The following SNX24 variants were observed in gnomAD, a reference collection of about 807,000 sequenced individuals.
The protein encoded by SNX24 is sorting nexin-24.
SNX24 carries 22 observed loss-of-function variants against 28.7 expected under a neutral mutation model. The observed-to-expected ratio is 0.77, with a 90% CI of 0.55 to 1.10. The LOEUF (loss-of-function observed/expected upper bound fraction) is 1.10. SNX24 is among the 50% of genes least tolerant of loss of function. The probability of loss-of-function intolerance (pLI) is 0.00; values close to 1 mark genes in which losing one functional copy is unlikely to be tolerated. For synonymous variants in SNX24, 69 were observed against 71.5 expected (o/e 0.96, Z 0.18); for missense variants, 221 against 201.1 (o/e 1.10, Z -0.60).
intron 3 of SNX24, among the ~76,000 whole-genome samples, chr5:122,997,255 C>G (rs1762081050): frequency 6.6e-6 from 1 of 152,194 alleles, no homozygotes; most frequent in Admixed American, 6.5e-5. Flanking sequence ...TTAACTAACT[C>G]TCAATGCTGC....
chr5:122,992,341 C>T (rs1390716184), intron 3 of SNX24, among the ~76,000 whole-genome samples: 2 of 152,172 alleles, frequency 1.3e-5, no homozygotes, highest in African/African-American at 2.4e-5. Context: ...CACCCACCCA[C>T]ATAAGATCAC....
intron 1 of SNX24, among the ~76,000 whole-genome samples, chr5:122,867,028 C>G (rs1472517247): frequency 6.6e-6 from 1 of 152,124 alleles, no homozygotes; most frequent in Non-Finnish European, 1.5e-5. Flanking sequence ...ATTCCTGGAC[C>G]TATCAATCCT....
At chr5:122,997,745 G>A (rs1762100548) in intron 3 of SNX24, among the ~76,000 whole-genome samples, 1 of 152,130 alleles carries the variant, frequency 6.6e-6, no homozygotes, top group African/African-American at 2.4e-5. Flanking sequence ...ACTTGTTATT[G>A]ATTTAATTTA....
At chr5:122,961,658 A>G (rs1010699096) in intron 3 of SNX24, among the ~76,000 whole-genome samples, 33 of 152,208 alleles carry the variant, frequency 2.2e-4, no homozygotes, top group Admixed American at 2.0e-3. Flanking sequence ...TGTGCCACAT[A>G]TCTTTAAATA....
chr5:122,892,733 C>G (rs563447907), intron 1 of SNX24, among the ~76,000 whole-genome samples: 1 of 151,460 alleles, frequency 6.6e-6, no homozygotes, highest in East Asian at 1.9e-4. Flanking sequence ...CCACCGTGCC[C>G]AGCCCATTTC....
chr5:122,989,981 A>T (rs889306025), intron 3 of SNX24, among the ~76,000 whole-genome samples: 3 of 152,140 alleles, frequency 2.0e-5, no homozygotes, highest in African/African-American at 7.2e-5. Context: ...GTAGGCTACT[A>T]TTCCTACCTG....
intron 1 of SNX24, among the ~76,000 whole-genome samples, chr5:122,904,913 C>T (rs201536119): frequency 1.3e-5 from 2 of 152,086 alleles, no homozygotes; most frequent in East Asian, 1.9e-4. Context: ...TTGGAGCGGC[C>T]GTCTCGTATT....
At chr5:123,018,689 A>AT (rs1158151377) in intron 5 of SNX24, among the ~76,000 whole-genome samples, 16 of 149,932 alleles carry the variant, frequency 1.1e-4, no homozygotes, top group South Asian at 2.1e-4. Flanking sequence ...TAGGGTGGGA[A>AT]TTTTTTTTTT....
intron 1 of SNX24, among the ~76,000 whole-genome samples, chr5:122,861,024 A>C (rs1040346261): frequency 6.6e-6 from 1 of 152,044 alleles, no homozygotes; most frequent in Admixed American, 6.6e-5. Flanking sequence ...TATGTTCCCA[A>C]TCTAATAAAT....
intron 3 of SNX24, among the ~76,000 whole-genome samples, chr5:122,951,003 C>T (rs1037996264): frequency 2.0e-5 from 3 of 152,060 alleles, no homozygotes; most frequent in African/African-American, 7.2e-5. Flanking sequence ...CTTGGTGGCT[C>T]ACGCCTGTAA....
In SNX24 at chr5:122,951,266, C is replaced by CAAA. The variant is rs1445925286; in HGVS notation, c.249+5121_249+5123dup. ...TGGGCGACAGAGTGAGACTCTGTCT[C>CAAA]AAAAAAAAAAAAAAAAGAAAAAGAA... is the stretch of plus-strand genomic sequence containing the variant. On this transcript the variant is annotated intron_variant, in intron 3 of 6. Transcript: ENST00000261369. 5.9e-4 allele frequency among the ~76,000 whole-genome samples: 28 copies of CAAA among 47,776 alleles called. 1 individual carries two copies. The highest frequency in any genetic ancestry group is 3.9e-3 in the South Asian group (5 of 1,268). 31.3% of individuals were successfully genotyped at this position (47,776 alleles called of 152,430 possible).
chr5:123,010,979 A>G (rs535318294), downstream of SNX24, among the ~76,000 whole-genome samples: 92 of 151,996 alleles, frequency 6.1e-4, no homozygotes, highest in Middle Eastern at 6.8e-3. Flanking sequence ...ATTGATAGAC[A>G]TTTTACTTTT....
intron 1 of SNX24, among the ~76,000 whole-genome samples, chr5:122,928,232 AC>A (rs1457651432): frequency 6.6e-6 from 1 of 152,070 alleles, no homozygotes; most frequent in Non-Finnish European, 1.5e-5. Context: ...ATCTGCCTGG[AC>A]CAACCTCCTC....
intron 1 of SNX24, among the ~76,000 whole-genome samples, chr5:122,880,866 C>CT (rs1454438455): frequency 2.0e-5 from 3 of 152,200 alleles, no homozygotes; most frequent in Non-Finnish European, 4.4e-5. Flanking sequence ...TCAGAGAAAT[C>CT]TCCCCTGGCC....
At chr5:122,972,292 C>T (rs2150148609) in intron 3 of SNX24, among the ~76,000 whole-genome samples, 1 of 152,254 alleles carries the variant, frequency 6.6e-6, no homozygotes, top group South Asian at 2.1e-4. Context: ...AGAAAGCAAA[C>T]ATTTTGCTAG....
At chr5:122,913,025 TG>T (rs1343141434) in intron 1 of SNX24, among the ~76,000 whole-genome samples, 1 of 152,128 alleles carries the variant, frequency 6.6e-6, no homozygotes, top group Admixed American at 6.5e-5. Flanking sequence ...AGCACAGGGT[TG>T]GGGGTAAGGT....
chr5:122,860,322 T>TAA (rs34746965), intron 1 of SNX24, among the ~76,000 whole-genome samples: 2 of 151,344 alleles, frequency 1.3e-5, no homozygotes, highest in Non-Finnish European at 2.9e-5. Flanking sequence ...TTGGGCAAGA[T>TAA]AAAAAAAAAT....
At position 122,926,735 on chromosome 5, in the gene SNX24, G is replaced by A. The variant is rs892626826; in HGVS notation, c.61-9999G>A. ...TTTCCAAAACATTTAGGTGAATGCA[G>A]ATTGCAGATACAGAAGCTTAAGCTA... On this transcript the variant is annotated intron_variant, in intron 1 of 6. Transcript: ENST00000261369. 4.6e-5 allele frequency among the ~76,000 whole-genome samples: 7 copies of A among 152,210 alleles called. No homozygotes were observed. The East Asian group carries it at 1.2e-3, about 25-fold the overall frequency.
chr5:123,009,196 A>G lies in SNX24; in HGVS notation c.*1447A>G, dbSNP rs1762510510. The stretch of plus-strand genomic sequence containing the variant: ...GCTATTTGGAGTTAAATAAAAACAG[A>G]ACAAGGAAACATTTGAGTTTGTCTT... On this transcript the variant is annotated 3_prime_UTR_variant, in exon 7 of 7. Transcript: ENST00000261369. The G allele has an allele frequency of 6.1e-6, 6 of 985,102 alleles. No homozygotes were observed. The highest frequency in any genetic ancestry group is 7.2e-6 in the Non-Finnish European group (6 of 829,350). The allele number at this position is 985,102 out of a possible 1,614,324, so 61.0% of individuals were successfully genotyped here.
Sources: allele counts gnomAD v4.1 joint callset (sites outside exome capture counted in the v4.1 genomes callset), GRCh38; gene constraint gnomAD v4.1.1; transcripts MANE v1.5; gene names NCBI Gene and HGNC (gene_info 2026-07-23, HGNC 2026-07-21).